Variants in ITGAX observed in about 807,000 individuals in gnomAD.
ITGAX encodes integrin alpha-X.
In ITGAX, 99 loss-of-function variants were observed where a neutral mutation model predicts 140.2. That is an observed-to-expected ratio of 0.71 (90% confidence interval 0.60 to 0.83). ITGAX has a LOEUF of 0.83. ITGAX is among the 40% of genes least tolerant of loss of function. ITGAX has a pLI of 0.00. For synonymous variants in ITGAX, 631 were observed against 600.4 expected, an observed-to-expected ratio of 1.05 and a Z score of -0.75; for missense variants, 1,444 against 1,482.0, an observed-to-expected ratio of 0.97 and a Z score of 0.42.
chr16:31,375,779 C>G (rs1000762295), intron 20 of ITGAX, among the ~76,000 whole-genome samples: 1 of 152,228 alleles, frequency 6.6e-6, no homozygotes, highest in African/African-American at 2.4e-5. Flanking sequence ...TATAAAAGAA[C>G]ACAGCAGGAA....
chr16:31,370,931 C>T (rs916724271), intron 14 of ITGAX, among the ~76,000 whole-genome samples, 153 bp from the exon 15 acceptor site: 3 of 152,170 alleles, frequency 2.0e-5, no homozygotes, highest in Non-Finnish European at 1.5e-5. Flanking sequence ...CCAACTCCTA[C>T]CTCCTCTTTT....
intron 17 of ITGAX, among the ~76,000 whole-genome samples, 200 bp downstream of exon 17, chr16:31,371,984 C>A (rs1597077534): frequency 6.6e-6 from 1 of 152,152 alleles, no homozygotes; most frequent in Non-Finnish European, 1.5e-5. Context: ...TTTCCAGGGG[C>A]CACACGATTG....
intron 5 of ITGAX, chr16:31,357,654 G>A: frequency 2.1e-6 from 1 of 473,706 alleles, no homozygotes; most frequent in Non-Finnish European, 3.7e-6. Flanking sequence ...TTCATGGCCA[G>A]GGGTTAGCAC....
At position 31,362,986 on chromosome 16, in the gene ITGAX, G is replaced by C. The variant is rs149061469; in HGVS notation, c.1411G>C (p.Gly471Arg). ...SLCSVDVDSD[G>R]STDLVLIGAP... ...CTGCTCCGTGGACGTAGACAGCGAC[G>C]GCAGCACCGACCTGGTCCTCATCGG... The change falls in exon 13 of 30, where the codon GGC (glycine) becomes CGC (arginine). Residue 471 changes from glycine to arginine, a missense_variant. Gly to Arg is a moderately radical substitution (Grantham distance 125). Transcript: ENST00000268296. The C allele has an allele frequency of 1.2e-6, 2 of 1,611,802 alleles. No homozygotes were observed. The highest frequency in any genetic ancestry group is 1.7e-5 in the Admixed American group (1 of 59,972).
chr16:31,382,249 C>CTTTTTTTTTTTTTTTTTCCTTTTCT lies in ITGAX; in HGVS notation c.*356_*357insTTTCCTTTTCTTTTTTTTTTTTTTT. The CTTTTTTTTTTTTTTTTTCCTTTTCT allele has an allele frequency of 1.5e-6, 1 of 658,768 alleles. No individual in the cohort carries two copies. Among genetic ancestry groups the CTTTTTTTTTTTTTTTTTCCTTTTCT allele is most frequent in the Non-Finnish European group, 1.9e-6 (1 of 533,366 alleles). The allele number at this position is 658,768 out of a possible 1,614,324, so 40.8% of individuals were successfully genotyped here. ...CTTTCTTTTTTTTTTTTTTTCTTTTCTTTTTTTTTTTTTTGAGACGGAGTC... is the reference window on the plus strand; with the variant it reads ...CTTTCTTTTTTTTTTTTTTTCTTTTCTTTTTTTTTTTTTTTTTCCTTTTCTTTTTTTTTTTTTTTGAGACGGAGTC... On this transcript the variant is annotated 3_prime_UTR_variant, in exon 30 of 30. Transcript: ENST00000268296.
At position 31,380,977 on chromosome 16, in the gene ITGAX, G is replaced by A. The variant is rs377605739; in HGVS notation, c.3357G>A (p.Leu1119=). 6.2e-7 allele frequency: 1 copy of A among 1,614,132 alleles called. No homozygotes were observed. ...GCAGCTCCATTGGGGGTCTGTTGCT[G>A]CTGGCACTCATCACAGCGGTACTGT... The part of the protein sequence containing the change: ...IVGSSIGGLL[L]LALITAVLYK... Residue 1119 remains leucine, a synonymous_variant, in exon 29 of 30, where the codon CTG becomes CTA. Coordinates refer to ENST00000268296, the MANE Select transcript of ITGAX (RefSeq NM_000887.5).
In ITGAX at chr16:31,382,228, C is replaced by CTTTTTTTTTTTTTTTTTTTTTCTTTT; in HGVS notation, c.*336_*337insTTTTTTCTTTTTTTTTTTTTTTTTTT. The CTTTTTTTTTTTTTTTTTTTTTCTTTT allele has an allele frequency of 2.2e-6, 2 of 902,772 alleles. No homozygotes were observed. Among genetic ancestry groups the CTTTTTTTTTTTTTTTTTTTTTCTTTT allele is most frequent in the Non-Finnish European group, 2.8e-6 (2 of 702,490 alleles). The allele number at this position is 902,772 out of a possible 1,614,324, so 55.9% of individuals were successfully genotyped here. ...GGCACGAATGATCTTTCTTTCCTTT[C>CTTTTTTTTTTTTTTTTTTTTTCTTTT]TTTTTTTTTTTTTTTCTTTTCTTTT... On this transcript the variant is annotated 3_prime_UTR_variant, in exon 30 of 30. Coordinates refer to ENST00000268296, the MANE Select transcript of ITGAX (RefSeq NM_000887.5).
Position 31,361,905 on chromosome 16 carries a change from C to T in ITGAX, c.1082C>T (p.Thr361Ile), listed in dbSNP as rs2080830537. 1.9e-6 allele frequency: 3 copies of T among 1,614,064 alleles called. No individual in the cohort carries two copies. Among genetic ancestry groups the T allele is most frequent in the Non-Finnish European group, 2.5e-6 (3 of 1,179,990 alleles). ...CAGGAGGGCTTCAGCGCTGTGTTCA[C>T]ACCTGTGAGTGGGGCCCCTTAGGCC... ...MAQEGFSAVF[T>I]PDGPVLGAVG... Residue 361 changes from threonine (T) to isoleucine (I), a missense_variant, in exon 10 of 30, where the codon ACA becomes ATA. Physicochemically the swap from Thr to Ile is moderately conservative, Grantham distance 89. Transcript: ENST00000268296.
chr16:31,359,366 A>G (rs565886927), intron 5 of ITGAX, among the ~76,000 whole-genome samples: 1 of 151,876 alleles, frequency 6.6e-6, no homozygotes, highest in African/African-American at 2.4e-5. Context: ...GGGTTTCACC[A>G]TGTGGGCCAG....
chr16:31,357,402 G>T, intron 5 of ITGAX, 38 bp downstream of exon 5: 1 of 1,375,468 alleles, frequency 7.3e-7, no homozygotes. Flanking sequence ...AGGAGCTCAC[G>T]CACATCCAAT....
In ITGAX at chr16:31,360,003, G is replaced by A; in HGVS notation, c.645G>A (p.Leu215=). 6.2e-7 allele frequency: 1 copy of A among 1,613,924 alleles called. No homozygotes were observed. The highest frequency in any genetic ancestry group is 8.5e-7 in the Non-Finnish European group (1 of 1,180,036). ...EFRRSSNPLS[L]LASVHQLQGF... Reference sequence around the variant, plus strand: ...GGCGCAGCTCAAACCCCCTCAGCCTGTTGGCTTCTGTTCACCAGCTGCAAG... The same window carrying A: ...GGCGCAGCTCAAACCCCCTCAGCCTATTGGCTTCTGTTCACCAGCTGCAAG... Residue 215 remains leucine (L), a synonymous_variant, in exon 7 of 30, where the codon CTG becomes CTA. Coordinates refer to ENST00000268296, the MANE Select transcript of ITGAX (RefSeq NM_000887.5).
At position 31,360,333 on chromosome 16, in the gene ITGAX, A is replaced by AT; in HGVS notation, c.732dup (p.Gly245TrpfsTer4). ...AGGCACCGATTGTTCCATGCCTCAT[A>AT]TGGGGCCCGTAGGGATGCCGCCAAA... On this transcript the variant is annotated frameshift_variant, in exon 8 of 30. Coordinates refer to ENST00000268296, the MANE Select transcript of ITGAX (RefSeq NM_000887.5). LOFTEE classifies it high-confidence loss of function. 1 of 1,613,498 alleles carries AT rather than the reference A, an allele frequency of 6.2e-7. No individual in the cohort carries two copies. The highest frequency in any genetic ancestry group is 2.2e-5 in the East Asian group (1 of 44,882).
At chr16:31,366,543 TCTCA>T (rs1345544804) in intron 14 of ITGAX, among the ~76,000 whole-genome samples, 1 of 152,210 alleles carries the variant, frequency 6.6e-6, no homozygotes, top group African/African-American at 2.4e-5. Context: ...TGAGGCAGGA[TCTCA>T]CTCTGTCACC....
chr16:31,357,426 G>A, intron 5 of ITGAX, 62 bp downstream of exon 5: 1 of 1,085,946 alleles, frequency 9.2e-7, no homozygotes, highest in Non-Finnish European at 1.4e-6. Flanking sequence ...GGGTGCGGTG[G>A]GCTAGAGACA....
At chr16:31,372,246 C>T (rs1206310505) in intron 17 of ITGAX, 132 bp from the exon 18 acceptor site, 13 of 1,028,394 alleles carry the variant, frequency 1.3e-5, no homozygotes, top group East Asian at 5.1e-5. Context: ...AAGGCGGTGA[C>T]GCTGAGCAGG....
At position 31,361,193 on chromosome 16, in the gene ITGAX, A is replaced by C; in HGVS notation, c.992A>C (p.Glu331Ala). ...AAAGATATTCAAAACCAACTGAAGG[A>C]GAAGATCTTTGCCATTGAGGGTGAG... ...ALKDIQNQLK[E>A]KIFAIEGTET... The change falls in exon 9 of 30, where the codon GAG becomes GCG. Residue 331 changes from glutamate (E) to alanine (A), a missense_variant. By Grantham distance (107) the Glu-to-Ala change is moderately radical. Coordinates refer to ENST00000268296, the MANE Select transcript of ITGAX (RefSeq NM_000887.5). 2 of 1,612,516 alleles carry C rather than the reference A, an allele frequency of 1.2e-6. No individual in the cohort carries two copies. Among genetic ancestry groups the C allele is most frequent in the Non-Finnish European group, 1.7e-6 (2 of 1,179,116 alleles).
Position 31,362,138 on chromosome 16 carries a change from C to G in ITGAX, c.1150C>G (p.Pro384Ala), listed in dbSNP as rs2080834630. 1.2e-6 allele frequency: 2 copies of G among 1,614,116 alleles called. No homozygotes were observed. Among genetic ancestry groups the G allele is most frequent in the Non-Finnish European group, 1.7e-6 (2 of 1,180,006 alleles). ...GTCTGGAGGTGCCTTCCTGTACCCC[C>G]CAAATATGAGCCCTACCTTCATCAA... is the stretch of plus-strand genomic sequence containing the variant. ...TWSGGAFLYP[P>A]NMSPTFINMS... The change falls in exon 11 of 30, where the codon CCA becomes GCA. Residue 384 changes from proline to alanine, a missense_variant. Coordinates refer to ENST00000268296, the MANE Select transcript of ITGAX (RefSeq NM_000887.5).
chr16:31,368,447 G>A (rs1331634128), intron 14 of ITGAX, among the ~76,000 whole-genome samples: 1 of 138,690 alleles, frequency 7.2e-6, no homozygotes, highest in Non-Finnish European at 1.5e-5. Context: ...GCAGTGAGCC[G>A]AGATCACACC....
chr16:31,362,541 C>T (rs1487788401), intron 11 of ITGAX, 70 bp from the exon 12 acceptor site: 2 of 1,515,528 alleles, frequency 1.3e-6, no homozygotes, highest in Non-Finnish European at 1.8e-6. Context: ...TGCTGTGCTG[C>T]CCGGGGTGGG....
Sources: gnomAD v4.1 joint callset for allele counts (sites outside exome capture counted in the v4.1 genomes callset) on GRCh38, gnomAD v4.1.1 for gene constraint, MANE v1.5 for transcripts, NCBI Gene and HGNC (gene_info 2026-07-23, HGNC 2026-07-21) for gene names.